Variants in TANC2 observed in about 807,000 individuals in gnomAD.
The protein encoded by TANC2 is protein TANC2.
In TANC2, 26 loss-of-function variants were observed where a neutral mutation model predicts 210.5. The ratio of observed to expected loss-of-function variants is 0.12; its 90% CI spans 0.09 to 0.17. TANC2 has a LOEUF of 0.17. Ranked by LOEUF, TANC2 falls within the 10% of genes least tolerant of loss-of-function variation. The pLI is 1.00. For synonymous variants in TANC2, 931 were observed against 967.1 expected, an observed-to-expected ratio of 0.96 and a Z score of 0.69; for missense variants, 2,129 against 2,608.9, an observed-to-expected ratio of 0.82 and a Z score of 4.01.
chr17:63,013,955 C>T (rs1174189138), intron 2 of TANC2, among the ~76,000 whole-genome samples: 1 of 151,922 alleles, frequency 6.6e-6, no homozygotes, highest in Non-Finnish European at 1.5e-5. Context: ...AGACCATACG[C>T]ATATCATCTC....
intron 4 of TANC2, among the ~76,000 whole-genome samples, chr17:63,131,993 T>G (rs568353563): frequency 6.6e-6 from 1 of 152,344 alleles, no homozygotes; most frequent in East Asian, 1.9e-4. Flanking sequence ...GTGCATACAT[T>G]CAGCTTAAAT....
intron 9 of TANC2, among the ~76,000 whole-genome samples, chr17:63,288,463 C>T (rs2044289519): frequency 6.6e-6 from 1 of 152,126 alleles, no homozygotes; most frequent in Admixed American, 6.5e-5. Flanking sequence ...GTAAATACTC[C>T]GTGTGAACTT....
intron 9 of TANC2, among the ~76,000 whole-genome samples, chr17:63,300,142 A>T (rs940112137): frequency 2.6e-5 from 4 of 152,034 alleles, no homozygotes; most frequent in Non-Finnish European, 5.9e-5. Context: ...ATTGGTCTGT[A>T]TGTATGTTTT....
At chr17:63,065,814 G>A (rs2036174467) in intron 2 of TANC2, among the ~76,000 whole-genome samples, 1 of 152,150 alleles carries the variant, frequency 6.6e-6, no homozygotes, top group Admixed American at 6.5e-5. Flanking sequence ...CAGATGTATG[G>A]TTTGCAAATA....
At chr17:63,351,485 A>G (rs2083225197) in intron 13 of TANC2, 69 bp downstream of exon 13, 2 of 1,352,000 alleles carry the variant, frequency 1.5e-6, no homozygotes, top group Admixed American at 3.2e-5. Context: ...AAAAAGTTCT[A>G]GGTCCTAGTT....
chr17:63,059,210 G>T (rs2035911630), intron 2 of TANC2, among the ~76,000 whole-genome samples: 1 of 152,118 alleles, frequency 6.6e-6, no homozygotes, highest in East Asian at 1.9e-4. Context: ...TATGTTGTTT[G>T]TGTACTCAGA....
At chr17:63,367,802 G>C (rs1236158983) in intron 14 of TANC2, among the ~76,000 whole-genome samples, 1 of 152,130 alleles carries the variant, frequency 6.6e-6, no homozygotes, top group African/African-American at 2.4e-5. Flanking sequence ...CAGGAAGAGA[G>C]GATGATAGGA....
intron 2 of TANC2, among the ~76,000 whole-genome samples, chr17:63,071,911 A>G (rs1053593778): frequency 3.3e-5 from 5 of 152,164 alleles, no homozygotes; most frequent in African/African-American, 7.2e-5. Flanking sequence ...TATTGAGTCA[A>G]ACATCCTTGG....
intron 1 of TANC2, among the ~76,000 whole-genome samples, chr17:63,001,841 C>T (rs2033403119): frequency 6.6e-6 from 1 of 152,164 alleles, no homozygotes. Context: ...AGCCACTGCG[C>T]CTGGTCAAGA....
At chr17:63,216,726 T>C (rs771609731) in intron 7 of TANC2, among the ~76,000 whole-genome samples, 1 of 152,184 alleles carries the variant, frequency 6.6e-6, no homozygotes, top group Non-Finnish European at 1.5e-5. Context: ...CTCACACATA[T>C]GGTATCAGAA....
chr17:63,168,448 C>G (rs150718915), intron 5 of TANC2, among the ~76,000 whole-genome samples: 66 of 152,288 alleles, frequency 4.3e-4, no homozygotes, highest in Admixed American at 1.6e-3. Context: ...TCCTACCTTT[C>G]TGTTCTCTGG....
chr17:63,199,618 C>CAA (rs372702611), intron 6 of TANC2, among the ~76,000 whole-genome samples: 2 of 114,264 alleles, frequency 1.8e-5, no homozygotes, highest in Non-Finnish European at 1.9e-5. Flanking sequence ...AACTCCATCT[C>CAA]AAAAAAAAAA....
At chr17:63,090,345 A>G (rs936675154) in intron 3 of TANC2, among the ~76,000 whole-genome samples, 1 of 151,610 alleles carries the variant, frequency 6.6e-6, no homozygotes, top group African/African-American at 2.4e-5. Flanking sequence ...TACATCTCCT[A>G]GTGCCATCCC....
At chr17:63,209,619 G>A (rs1247414928) in intron 7 of TANC2, among the ~76,000 whole-genome samples, 2 of 151,910 alleles carry the variant, frequency 1.3e-5, no homozygotes, top group African/African-American at 4.8e-5. Flanking sequence ...TTTTTTAGTA[G>A]AGACAGGGTT....
intron 7 of TANC2, 97 bp from the exon 8 acceptor site, chr17:63,237,717 T>G: frequency 1.6e-6 from 2 of 1,280,378 alleles, no homozygotes; most frequent in Middle Eastern, 2.2e-4. Flanking sequence ...TTGAAAATGG[T>G]GTCCTTTCCC....
chr17:63,229,770 A>T lies in TANC2; in HGVS notation c.770-8044A>T, dbSNP rs868453769. ...ATAGTATTCTCTAATGATTGTTTGTATTTTTTTTTTTTTTTTTGAGAAAGA... is the reference window on the plus strand; with the variant it reads ...ATAGTATTCTCTAATGATTGTTTGTTTTTTTTTTTTTTTTTTTGAGAAAGA... On this transcript the variant is annotated intron_variant, in intron 7 of 27. Transcript: ENST00000689528. 6.8e-3 allele frequency among the ~76,000 whole-genome samples: 892 copies of T among 130,544 alleles called. 5 individuals carry two copies. The highest frequency in any genetic ancestry group is 0.023 in the African/African-American group (820 of 35,460). The allele number at this position is 130,544 out of a possible 152,430, so 85.6% of individuals were successfully genotyped here.
chr17:63,257,874 T>A (rs561207173), intron 8 of TANC2, among the ~76,000 whole-genome samples: 12 of 152,368 alleles, frequency 7.9e-5, no homozygotes, highest in African/African-American at 2.9e-4. Context: ...GTTCAACTTT[T>A]AGGCTTTCTA....
intron 15 of TANC2, among the ~76,000 whole-genome samples, chr17:63,383,842 A>G (rs1403664345): frequency 1.3e-5 from 2 of 152,214 alleles, no homozygotes; most frequent in Non-Finnish European, 2.9e-5. Flanking sequence ...ACTGATCAGT[A>G]GTATTTTTGA....
intron 7 of TANC2, among the ~76,000 whole-genome samples, chr17:63,204,187 A>G (rs905206748): frequency 6.6e-6 from 1 of 152,120 alleles, no homozygotes; most frequent in African/African-American, 2.4e-5. Flanking sequence ...GTATTTGTAT[A>G]TCCTAAAGAT....
Sources: gnomAD v4.1 joint callset for allele counts (sites outside exome capture counted in the v4.1 genomes callset) on GRCh38, gnomAD v4.1.1 for gene constraint, MANE v1.5 for transcripts, NCBI Gene and HGNC (gene_info 2026-07-23, HGNC 2026-07-21) for gene names.